ZNF652: variants seen among roughly 807,000 people sequenced by gnomAD.
ZNF652 encodes the protein zinc finger protein 652.
A neutral mutation model predicts 45.2 loss-of-function variants in ZNF652; 16 were observed. That is an observed-to-expected ratio of 0.35 (90% CI 0.24 to 0.54). ZNF652 has a LOEUF of 0.54. ZNF652 is among the 20% of genes least tolerant of loss of function. The pLI, the probability that ZNF652 is intolerant of heterozygous loss-of-function variation, is 0.91. For missense variants in ZNF652, 614 were observed against 765.6 expected (o/e 0.80, Z 2.34); for synonymous variants, 250 against 260.6 (o/e 0.96, Z 0.39).
intron 1 of ZNF652, among the ~76,000 whole-genome samples, chr17:49,351,014 T>TATATATATATAC (rs2070273379): frequency 4.4e-4 from 13 of 29,712 alleles, no homozygotes; most frequent in East Asian, 8.1e-4. Flanking sequence ...TATATATATA[T>TATATATATATAC]ACACACACAC....
At position 49,317,147 on chromosome 17, in the gene ZNF652, C is replaced by G; in HGVS notation, c.579G>C (p.Arg193Ser). ...EKVSVTQRRT[R>S]RAASVAAATT... ...TAGCTGCGGCAACAGAGGCAGCTCT[C>G]CTGGTTCTCCTTTGTGTAACGCTGA... is the stretch of plus-strand genomic sequence containing the variant. The change falls in exon 2 of 6, where the codon AGG becomes AGC. Residue 193 changes from arginine (R) to serine (S), a missense_variant. Arg to Ser is a moderately radical substitution (Grantham distance 110). This residue lies in a region of ZNF652 where 262 missense variants were observed against 306.3 expected (regional missense o/e 0.86). Coordinates refer to ENST00000430262, the MANE Select transcript of ZNF652 (RefSeq NM_001145365.3). The G allele has an allele frequency of 2.5e-6, 4 of 1,613,968 alleles. No individual in the cohort carries two copies. The highest frequency in any genetic ancestry group is 3.4e-6 in the Non-Finnish European group (4 of 1,180,016).
intron 5 of ZNF652, among the ~76,000 whole-genome samples, chr17:49,305,826 A>G (rs932884542): frequency 3.9e-5 from 6 of 152,166 alleles, no homozygotes; most frequent in African/African-American, 1.2e-4. Context: ...ACCCTGACTG[A>G]TGGCTGGTCA....
At chr17:49,324,502 T>A (rs900637121) in intron 1 of ZNF652, among the ~76,000 whole-genome samples, 2 of 151,806 alleles carry the variant, frequency 1.3e-5, no homozygotes, top group Non-Finnish European at 2.9e-5. Context: ...GCGATTCTCC[T>A]GCCTCAGCCT....
chr17:49,345,357 T>G (rs1372547073), intron 1 of ZNF652, among the ~76,000 whole-genome samples: 1 of 151,272 alleles, frequency 6.6e-6, no homozygotes, highest in Admixed American at 6.6e-5. Flanking sequence ...TATGTTCCAC[T>G]AGGCCCAGCT....
In ZNF652 at chr17:49,362,086, T is replaced by G. The variant is rs2070405147; in HGVS notation, c.-436A>C. 6.7e-6 allele frequency: 1 copy of G among 148,526 alleles called. No homozygotes were observed. The highest frequency in any genetic ancestry group is 1.5e-5 in the Non-Finnish European group (1 of 66,716). The allele number at this position is 148,526 out of a possible 1,614,324, so 9.2% of individuals were successfully genotyped here. On this transcript the variant is annotated 5_prime_UTR_variant, in exon 1 of 6. Transcript: ENST00000430262. Reference sequence around the variant, plus strand: ...CAGACCCGGCCTCGGCCGCTGCCGCTGCCGCCGCAGCGCTACGTGGCCGCC... The same window carrying G: ...CAGACCCGGCCTCGGCCGCTGCCGCGGCCGCCGCAGCGCTACGTGGCCGCC...
In ZNF652 at chr17:49,290,061, G is replaced by C. The variant is rs1183147069; in HGVS notation, c.*8352C>G. The C allele has an allele frequency of 6.6e-6, 1 of 152,218 alleles. No individual in the cohort carries two copies. Among genetic ancestry groups the C allele is most frequent in the African/African-American group, 2.4e-5 (1 of 41,458 alleles). The allele number at this position is 152,218 out of a possible 1,614,324, so 9.4% of individuals were successfully genotyped here. On this transcript the variant is annotated 3_prime_UTR_variant, in exon 6 of 6. Coordinates refer to ENST00000430262, the MANE Select transcript of ZNF652 (RefSeq NM_001145365.3). ...ACAAACAAGTTGCACCTGGCCACTTGCTGCCTAAACCAATCACAGCTTCAG... is the reference window on the plus strand; with the variant it reads ...ACAAACAAGTTGCACCTGGCCACTTCCTGCCTAAACCAATCACAGCTTCAG...
At chr17:49,322,454 T>C (rs571088849) in intron 1 of ZNF652, 1 of 152,322 alleles carries the variant, frequency 6.6e-6, no homozygotes, top group Non-Finnish European at 1.5e-5. Flanking sequence ...TTATATTTGA[T>C]GAAGCTGAGA....
chr17:49,348,905 C>T lies in ZNF652; in HGVS notation c.-259+13004G>A, dbSNP rs190051342. ...CTATGCATTTTTGTTTCCTAGAATG[C>T]TTGAGGATTTTTTCTTTTTTTCTAA... is the stretch of plus-strand genomic sequence containing the variant. On this transcript the variant is annotated intron_variant, in intron 1 of 5. Coordinates refer to ENST00000430262, the MANE Select transcript of ZNF652 (RefSeq NM_001145365.3). Among the ~76,000 whole-genome samples the T allele has an allele frequency of 2.2e-4, 33 of 152,104 alleles. No homozygotes were observed. The East Asian group carries it at 6.2e-3, about 28-fold the overall frequency.
intron 1 of ZNF652, among the ~76,000 whole-genome samples, chr17:49,327,634 T>C (rs1417813118): frequency 1.3e-5 from 2 of 149,052 alleles, no homozygotes; most frequent in African/African-American, 4.9e-5. Context: ...ATCTCAGCAC[T>C]TTGGGAGGCT....
chr17:49,294,830 A>C lies in ZNF652; in HGVS notation c.*3583T>G, dbSNP rs1403147788. Reference sequence around the variant, plus strand: ...GCAGCCTTTGTTGTCTTTAACAGACATGTACAGATAAGGGCTGAGAACTCA... The same window carrying C: ...GCAGCCTTTGTTGTCTTTAACAGACCTGTACAGATAAGGGCTGAGAACTCA... On this transcript the variant is annotated 3_prime_UTR_variant, in exon 6 of 6. Coordinates refer to ENST00000430262, the MANE Select transcript of ZNF652 (RefSeq NM_001145365.3). The C allele has an allele frequency of 6.6e-6, 1 of 152,238 alleles. No individual in the cohort carries two copies. 9.4% of individuals were successfully genotyped at this position (152,238 alleles called of 1,614,324 possible).
intron 1 of ZNF652, among the ~76,000 whole-genome samples, chr17:49,357,064 T>A (rs2070345118): frequency 6.6e-6 from 1 of 151,156 alleles, no homozygotes; most frequent in Non-Finnish European, 1.5e-5. Context: ...TTTGGGAGGC[T>A]GACGTGGGCA....
rs12452264 is a variant in ZNF652, at chr17:49,292,715, G to A, written c.*5698C>T. 0.013 allele frequency among the ~76,000 whole-genome samples: 2,025 copies of A among 152,088 alleles called. 114 individuals are homozygous for A. Among genetic ancestry groups the A allele is most frequent in the Admixed American group, 0.094 (1,440 of 15,250 alleles). ...TTTAAAGGAACGTCAAATTTCTGGT[G>A]AAAGTAAAAAAAGTGAAGAGTCAAA... On this transcript the variant is annotated 3_prime_UTR_variant, in exon 6 of 6. Coordinates refer to ENST00000430262, the MANE Select transcript of ZNF652 (RefSeq NM_001145365.3).
intron 1 of ZNF652, among the ~76,000 whole-genome samples, chr17:49,323,820 T>C (rs1417021683): frequency 6.6e-6 from 1 of 152,218 alleles, no homozygotes; most frequent in Non-Finnish European, 1.5e-5. Flanking sequence ...ACAGTGGGCT[T>C]AAAATATTCA....
At chr17:49,307,584 TAC>T in intron 5 of ZNF652, among the ~76,000 whole-genome samples, 1 of 76,758 alleles carries the variant, frequency 1.3e-5, no homozygotes, top group South Asian at 4.3e-4. Context: ...CTACTAAAAA[TAC>T]AAAAAAAAAA....
chr17:49,350,242 A>T (rs1374281675), intron 1 of ZNF652, among the ~76,000 whole-genome samples: 2 of 148,916 alleles, frequency 1.3e-5, no homozygotes, highest in African/African-American at 4.9e-5. Context: ...TCCAAAAATA[A>T]AAAAAAAAAA....
intron 5 of ZNF652, among the ~76,000 whole-genome samples, chr17:49,301,403 T>A (rs2069550461): frequency 6.6e-6 from 1 of 152,120 alleles, no homozygotes; most frequent in South Asian, 2.1e-4. Context: ...ACTCAAGTGA[T>A]CCTCCCGCCT....
chr17:49,306,942 C>T (rs1478936176), intron 5 of ZNF652, among the ~76,000 whole-genome samples: 1 of 151,792 alleles, frequency 6.6e-6, no homozygotes, highest in East Asian at 2.0e-4. Flanking sequence ...TTAGTAGAGA[C>T]AGGTTCTGCT....
Position 49,298,230 on chromosome 17 carries a change from C to T in ZNF652, c.*183G>A. On this transcript the variant is annotated 3_prime_UTR_variant, in exon 6 of 6. Transcript: ENST00000430262. The stretch of plus-strand genomic sequence containing the variant: ...GGTTCCCCTGGTTTAGATGACAGTC[C>T]CTCTGTGAGCTCAAGGTAGTCTTCT... 1 of 734,446 alleles carries T rather than the reference C, an allele frequency of 1.4e-6. No individual in the cohort carries two copies. The highest frequency in any genetic ancestry group is 2.1e-5 in the South Asian group (1 of 48,738). 45.5% of individuals were successfully genotyped at this position (734,446 alleles called of 1,614,324 possible).
intron 5 of ZNF652, among the ~76,000 whole-genome samples, chr17:49,306,952 T>A (rs1330143423): frequency 6.6e-6 from 1 of 151,888 alleles, no homozygotes; most frequent in African/African-American, 2.4e-5. Context: ...CAGGTTCTGC[T>A]GTGTTGGCCA....
Sources: gnomAD v4.1 joint callset for allele counts (sites outside exome capture counted in the v4.1 genomes callset) on GRCh38, gnomAD v4.1.1 for gene constraint, gnomAD v4.1.1 regional missense constraint, MANE v1.5 for transcripts, NCBI Gene and HGNC (gene_info 2026-07-23, HGNC 2026-07-21) for gene names.